PPP2R2B: variants seen among roughly 807,000 people sequenced by gnomAD.
PPP2R2B encodes the protein protein phosphatase 2 regulatory subunit Bbeta.
A neutral mutation model predicts 46.0 loss-of-function variants in PPP2R2B; 5 were observed. That is an observed-to-expected ratio of 0.11 (90% confidence interval 0.06 to 0.23). PPP2R2B has a LOEUF of 0.23. Among genes scored for constraint, PPP2R2B ranks in the 10% least tolerant of loss-of-function variants. The pLI, the probability that PPP2R2B is intolerant of heterozygous loss-of-function variation, is 1.00. For synonymous variants in PPP2R2B, 215 were observed against 206.7 expected, an observed-to-expected ratio of 1.04 and a Z score of -0.34; for missense variants, 367 against 575.0, an observed-to-expected ratio of 0.64 and a Z score of 3.70.
chr5:146,649,713 G>T (rs1427022511), intron 6 of PPP2R2B, among the ~76,000 whole-genome samples: 1 of 152,182 alleles, frequency 6.6e-6, no homozygotes, highest in Non-Finnish European at 1.5e-5. Context: ...GCCTCCCAAA[G>T]TGCTGGGATT....
At chr5:146,834,453 T>A (rs996903534) in intron 2 of PPP2R2B, among the ~76,000 whole-genome samples, 1 of 152,168 alleles carries the variant, frequency 6.6e-6, no homozygotes, top group African/African-American at 2.4e-5. Context: ...ATGACTTTTG[T>A]TTTGGTTTAG....
chr5:146,827,907 A>G (rs1191765512), intron 2 of PPP2R2B, among the ~76,000 whole-genome samples: 1 of 152,148 alleles, frequency 6.6e-6, no homozygotes, highest in Non-Finnish European at 1.5e-5. Context: ...GTCTTCCTAC[A>G]CTTTAGTAAT....
At chr5:146,754,552 T>G (rs1271062407) in intron 2 of PPP2R2B, among the ~76,000 whole-genome samples, 5 of 152,214 alleles carry the variant, frequency 3.3e-5, no homozygotes, top group Non-Finnish European at 5.9e-5. Context: ...TTAATTCGCC[T>G]CCACTTGAGT....
chr5:146,788,780 A>T (rs1259250206), intron 2 of PPP2R2B, among the ~76,000 whole-genome samples: 1 of 152,110 alleles, frequency 6.6e-6, no homozygotes, highest in Non-Finnish European at 1.5e-5. Flanking sequence ...TTTAAATATA[A>T]TCCTTTGGGT....
chr5:146,644,234 C>CA (rs58634387), intron 6 of PPP2R2B, among the ~76,000 whole-genome samples: 52 of 60,648 alleles, frequency 8.6e-4, no homozygotes, highest in Middle Eastern at 0.012. Context: ...AGGAAAGTTT[C>CA]AAAAAAAAAA....
chr5:146,856,718 C>A (rs944402750), intron 2 of PPP2R2B: 100 of 656,326 alleles, frequency 1.5e-4, no homozygotes, highest in Non-Finnish European at 2.3e-4. Context: ...CCAGGCCTGT[C>A]AAAATCCAGG....
intron 2 of PPP2R2B, among the ~76,000 whole-genome samples, chr5:146,862,975 G>C (rs1475487530): frequency 6.6e-6 from 1 of 151,368 alleles, no homozygotes; most frequent in Admixed American, 6.6e-5. Context: ...GAGGAAGCTT[G>C]AGGACTGAGT....
chr5:146,980,653 CTT>C (rs1007261202), intron 1 of PPP2R2B, among the ~76,000 whole-genome samples: 87 of 152,088 alleles, frequency 5.7e-4, no homozygotes, highest in African/African-American at 2.0e-3. Flanking sequence ...ATTAATCTCT[CTT>C]GTTTTTTTAT....
chr5:147,000,828 G>T (rs1754137112), intron 1 of PPP2R2B, among the ~76,000 whole-genome samples: 1 of 151,984 alleles, frequency 6.6e-6, no homozygotes, highest in South Asian at 2.1e-4. Flanking sequence ...ATCTCCTGAG[G>T]GATTTCCCTC....
At position 146,675,257 on chromosome 5, in the gene PPP2R2B, G is replaced by A. The variant is rs186424494; in HGVS notation, c.447+15871C>T. ...TTACAGGTGTGAGCCACTGCACCCC[G>A]CCGATACTTGGTATTTTATACAACA... On this transcript the variant is annotated intron_variant, in intron 5 of 9. Transcript: ENST00000394411. Among the ~76,000 whole-genome samples, 295 of 152,262 alleles carry A rather than the reference G, an allele frequency of 1.9e-3. 3 individuals carry two copies. The highest frequency in any genetic ancestry group is 7.0e-3 in the African/African-American group (289 of 41,544).
chr5:146,672,656 G>C (rs931045916), intron 5 of PPP2R2B, among the ~76,000 whole-genome samples: 1 of 152,188 alleles, frequency 6.6e-6, no homozygotes, highest in African/African-American at 2.4e-5. Context: ...GGACACCATA[G>C]TTTGGTTCAG....
upstream of PPP2R2B, among the ~76,000 whole-genome samples, chr5:146,883,282 G>T (rs955616022): frequency 1.3e-5 from 2 of 152,184 alleles, no homozygotes; most frequent in African/African-American, 4.8e-5. Context: ...TAAGGAAAGT[G>T]CTTAGTCCAG....
chr5:146,839,134 C>T (rs188102415), intron 2 of PPP2R2B, among the ~76,000 whole-genome samples: 1 of 152,302 alleles, frequency 6.6e-6, no homozygotes, highest in Non-Finnish European at 1.5e-5. Flanking sequence ...CATGTGCCTA[C>T]CTAGTCTATT....
intron 1 of PPP2R2B, among the ~76,000 whole-genome samples, chr5:147,038,292 T>C (rs536038422): frequency 6.6e-6 from 1 of 152,278 alleles, no homozygotes; most frequent in African/African-American, 2.4e-5. Flanking sequence ...GTAACATGAA[T>C]GGGTGATAAA....
At chr5:146,967,058 A>T (rs1752450676) in intron 1 of PPP2R2B, among the ~76,000 whole-genome samples, 1 of 152,226 alleles carries the variant, frequency 6.6e-6, no homozygotes. Context: ...TGAGTCTCAT[A>T]GAAGTGAAGC....
chr5:147,012,591 CTGATCTTAGTTATTTCT>C, intron 1 of PPP2R2B, among the ~76,000 whole-genome samples: 1 of 152,018 alleles, frequency 6.6e-6, no homozygotes, highest in Admixed American at 6.6e-5. Context: ...CAGTTCTGCT[CTGATCTTAGTTATTTCT>C]TGCCTTCTGC....
intron 1 of PPP2R2B, among the ~76,000 whole-genome samples, chr5:146,956,804 T>C (rs1299096548): frequency 6.6e-6 from 1 of 152,208 alleles, no homozygotes; most frequent in Non-Finnish European, 1.5e-5. Context: ...ATGAGGACTC[T>C]CTTCCTGGTT....
intron 2 of PPP2R2B, among the ~76,000 whole-genome samples, chr5:146,822,700 G>A (rs1285959681): frequency 6.6e-6 from 1 of 152,072 alleles, no homozygotes; most frequent in Non-Finnish European, 1.5e-5. Context: ...TCCTCCCACA[G>A]ATTATTATTA....
At chr5:146,906,646 C>T (rs1288024959) in intron 1 of PPP2R2B, among the ~76,000 whole-genome samples, 1 of 152,124 alleles carries the variant, frequency 6.6e-6, no homozygotes, top group Non-Finnish European at 1.5e-5. Context: ...TTAATTGACA[C>T]ATAATGATTA....
Sources: allele counts gnomAD v4.1 joint callset (sites outside exome capture counted in the v4.1 genomes callset), GRCh38; gene constraint gnomAD v4.1.1; transcripts MANE v1.5; gene names NCBI Gene and HGNC (gene_info 2026-07-23, HGNC 2026-07-21).